CASR: variants seen among roughly 807,000 people sequenced by gnomAD.
CASR encodes the protein calcium sensing receptor.
CASR carries 23 observed loss-of-function variants against 69.1 expected under a neutral mutation model. That is an observed-to-expected ratio of 0.33 (90% CI 0.24 to 0.47). CASR has a LOEUF of 0.47. Ranked by LOEUF, CASR falls within the 20% of genes least tolerant of loss-of-function variation. The pLI is 1.00. For missense variants in CASR, 924 were observed against 1,356.1 expected (o/e 0.68, Z 5.00); for synonymous variants, 541 against 544.7 (o/e 0.99, Z 0.10).
chr3:122,271,782 A>G (rs559716747), intron 4 of CASR, among the ~76,000 whole-genome samples: 1 of 152,326 alleles, frequency 6.6e-6, no homozygotes, highest in East Asian at 1.9e-4. Flanking sequence ...CCAGTCTTAG[A>G]CAAACACTGA....
chr3:122,261,399 G>A, intron 3 of CASR, 129 bp from the exon 4 acceptor site: 1 of 830,720 alleles, frequency 1.2e-6, no homozygotes, highest in Non-Finnish European at 2.1e-6. Flanking sequence ...CCTGTATACA[G>A]TGAACAGCAT....
intron 1 of CASR, among the ~76,000 whole-genome samples, chr3:122,184,705 C>G (rs1210552007): frequency 6.6e-6 from 1 of 152,240 alleles, no homozygotes; most frequent in East Asian, 1.9e-4. Flanking sequence ...ATTACAGGAT[C>G]AAGGCTTTCC....
chr3:122,253,655 GA>G (rs1415198968), intron 1 of CASR, among the ~76,000 whole-genome samples: 3 of 152,308 alleles, frequency 2.0e-5, no homozygotes, highest in African/African-American at 7.2e-5. Flanking sequence ...ATTCACACAG[GA>G]AAATGAATGG....
At position 122,275,988 on chromosome 3, in the gene CASR, A is replaced by G. The variant is rs138099808; in HGVS notation, c.1554A>G (p.Gly518=). The change falls in exon 5 of 7, where the codon GGA becomes GGG. Residue 518 remains glycine, a synonymous_variant. Transcript: ENST00000639785. ...VGYYNVYAKK[G]ERLFINEEKI... is the part of the protein sequence containing the mutation. ...ATTACAACGTCTATGCCAAGAAGGG[A>G]GAAAGACTCTTCATCAACGAGGAGA... is the stretch of plus-strand genomic sequence containing the variant. 2.7e-5 allele frequency: 44 copies of G among 1,613,852 alleles called. No individual in the cohort carries two copies. The African/African-American group carries it at 4.3e-4, about 16-fold the overall frequency.
intron 3 of CASR, 80 bp from the exon 4 acceptor site, chr3:122,261,448 C>G (rs2107631588): frequency 3.0e-6 from 4 of 1,333,452 alleles, no homozygotes; most frequent in African/African-American, 1.4e-5. Context: ...AGAAAGCCAC[C>G]TCCACAACAG....
intron 1 of CASR, among the ~76,000 whole-genome samples, chr3:122,245,892 GTTTAGT>G (rs1279358056): frequency 2.6e-5 from 4 of 152,160 alleles, no homozygotes; most frequent in African/African-American, 9.7e-5. Context: ...TTGAAAGTAA[GTTTAGT>G]CCTCTGAAGT....
chr3:122,227,769 A>G (rs1181200804), intron 1 of CASR, among the ~76,000 whole-genome samples: 1 of 152,164 alleles, frequency 6.6e-6, no homozygotes, highest in Non-Finnish European at 1.5e-5. Context: ...AAAGCTGCCT[A>G]TAGTATACTA....
intron 1 of CASR, among the ~76,000 whole-genome samples, chr3:122,231,519 G>A (rs1358515038): frequency 6.6e-6 from 1 of 152,202 alleles, no homozygotes; most frequent in Admixed American, 6.5e-5. Context: ...TTATTCCTGT[G>A]TGGACAATGA....
At chr3:122,282,567 A>G (rs1441060146) in intron 6 of CASR, among the ~76,000 whole-genome samples, 2 of 152,214 alleles carry the variant, frequency 1.3e-5, no homozygotes, top group Non-Finnish European at 2.9e-5. Flanking sequence ...TTAATAGGCC[A>G]TCATAGAATT....
At chr3:122,244,984 C>T (rs2074413267) in intron 1 of CASR, among the ~76,000 whole-genome samples, 2 of 152,062 alleles carry the variant, frequency 1.3e-5, no homozygotes. Context: ...TAACATTCTA[C>T]CACATATTTT....
At chr3:122,273,722 G>A (rs2074784655) in intron 4 of CASR, among the ~76,000 whole-genome samples, 1 of 152,192 alleles carries the variant, frequency 6.6e-6, no homozygotes, top group African/African-American at 2.4e-5. Flanking sequence ...GGAGAAGGAT[G>A]ATGGCCATGT....
chr3:122,215,176 G>A (rs774920761), intron 1 of CASR, among the ~76,000 whole-genome samples: 5 of 152,212 alleles, frequency 3.3e-5, no homozygotes, highest in Non-Finnish European at 7.3e-5. Context: ...TGAACTAAGG[G>A]CACAGCTGGA....
In CASR at chr3:122,232,933, T is replaced by C. The variant is rs2074293580; in HGVS notation, c.-242-21015T>C. On this transcript the variant is annotated intron_variant, in intron 1 of 6. Transcript: ENST00000639785. ...AGCAAGCAAGATGTCTCTGTGACCA[T>C]GATAAAGACAAAAATAAGACCACTC... Among the ~76,000 whole-genome samples, 3 of 152,084 alleles carry C rather than the reference T, an allele frequency of 2.0e-5. No individual in the cohort carries two copies. The South Asian group carries it at 6.2e-4, about 31-fold the overall frequency.
rs186140322 is a variant in CASR, at chr3:122,230,808, G to A, written c.-242-23140G>A. 2.0e-5 allele frequency among the ~76,000 whole-genome samples: 3 copies of A among 152,282 alleles called. 1 individual carries two copies. The South Asian group carries it at 6.2e-4, about 32-fold the overall frequency. ...TCCCAAGGAGGAGCAGCTAGGTGGGGACTAGAACCACCATATCCTGGCCCC... is the reference window on the plus strand; with the variant it reads ...TCCCAAGGAGGAGCAGCTAGGTGGGAACTAGAACCACCATATCCTGGCCCC... On this transcript the variant is annotated intron_variant, in intron 1 of 6. Transcript: ENST00000639785.
intron 1 of CASR, among the ~76,000 whole-genome samples, chr3:122,215,801 C>T (rs2074111896): frequency 6.6e-6 from 1 of 152,166 alleles, no homozygotes. Flanking sequence ...TCTTGGACAG[C>T]TCAGAAATTG....
In CASR at chr3:122,287,680, T is replaced by C. The variant is rs7646147; in HGVS notation, c.*2489T>C. 40,954 of 152,298 alleles carry C rather than the reference T, an allele frequency of 0.27. 6,287 individuals carry two copies. The highest frequency in any genetic ancestry group is 0.35 in the Non-Finnish European group (23,926 of 68,070). The allele number at this position is 152,298 out of a possible 1,614,324, so 9.4% of individuals were successfully genotyped here. Reference sequence around the variant, plus strand: ...CAATCTTATCTGGCCTTCGCTGGCGTGCTCTGAGGCATTGTATCCTCATCT... The same window carrying C: ...CAATCTTATCTGGCCTTCGCTGGCGCGCTCTGAGGCATTGTATCCTCATCT... On this transcript the variant is annotated 3_prime_UTR_variant, in exon 7 of 7. Coordinates refer to ENST00000639785, the MANE Select transcript of CASR (RefSeq NM_000388.4).
intron 1 of CASR, among the ~76,000 whole-genome samples, chr3:122,198,829 A>G (rs2073915108): frequency 2.0e-5 from 3 of 147,210 alleles, no homozygotes; most frequent in Admixed American, 6.7e-5. Flanking sequence ...ATATATACAT[A>G]TATATGAGAG....
At chr3:122,207,833 GAAGGAAGTAAATAAACTTCCTTCCTGAA>G (rs1369261634) in intron 1 of CASR, among the ~76,000 whole-genome samples, 3 of 152,088 alleles carry the variant, frequency 2.0e-5, no homozygotes, top group East Asian at 1.9e-4. Context: ...TCTTTGCTGA[GAAGGAAGTAAATAAACTTCCTTCCTGAA>G]AAGGAAGTTC....
chr3:122,269,401 A>G (rs1374213127), intron 4 of CASR, among the ~76,000 whole-genome samples: 2 of 152,304 alleles, frequency 1.3e-5, no homozygotes, highest in East Asian at 3.9e-4. Context: ...TTATTCCTAT[A>G]TTGCCGAGAG....
Sources: gnomAD v4.1 joint callset for allele counts (sites outside exome capture counted in the v4.1 genomes callset) on GRCh38, gnomAD v4.1.1 for gene constraint, MANE v1.5 for transcripts, NCBI Gene and HGNC (gene_info 2026-07-23, HGNC 2026-07-21) for gene names.